ECT2: variants seen among roughly 807,000 people sequenced by gnomAD.
ECT2 encodes protein ECT2.
ECT2 carries 61 observed loss-of-function variants against 116.9 expected under a neutral mutation model. That is an observed-to-expected ratio of 0.52 (90% CI 0.42 to 0.65). The LOEUF (loss-of-function observed/expected upper bound fraction) is 0.65. Among genes scored for constraint, ECT2 ranks in the 30% least tolerant of loss-of-function variants. The pLI, the probability that ECT2 is intolerant of heterozygous loss-of-function variation, is 0.00. For synonymous variants in ECT2, 358 were observed against 346.4 expected (o/e 1.03, Z -0.37); for missense variants, 937 against 1,078.7 (o/e 0.87, Z 1.84).
At position 172,755,283 on chromosome 3, in the gene ECT2, A is replaced by T; in HGVS notation, c.131-12A>T. The T allele has an allele frequency of 1.3e-6, 2 of 1,587,424 alleles. No homozygotes were observed. The highest frequency in any genetic ancestry group is 8.5e-7 in the Non-Finnish European group (1 of 1,171,890). On this transcript the variant is annotated splice_polypyrimidine_tract_variant and intron_variant, in intron 2 of 24. Transcript: ENST00000392692. Reference sequence around the variant, plus strand: ...TACATGATAAACATTGAAACATTTTACATTTTAACAGAAGAGATGCCTCAG... The same window carrying T: ...TACATGATAAACATTGAAACATTTTTCATTTTAACAGAAGAGATGCCTCAG...
At chr3:172,807,740 T>C (rs945073990) in intron 21 of ECT2, 30 bp from the exon 22 acceptor site, 1 of 1,590,300 alleles carries the variant, frequency 6.3e-7, no homozygotes, top group African/African-American at 1.3e-5. Flanking sequence ...GGAGTGACAC[T>C]TAATGTTTAT....
At position 172,784,706 on chromosome 3, in the gene ECT2, G is replaced by C; in HGVS notation, c.1729-1G>C. 1.2e-6 allele frequency: 2 copies of C among 1,612,834 alleles called. No homozygotes were observed. Among genetic ancestry groups the C allele is most frequent in the Non-Finnish European group, 1.7e-6 (2 of 1,178,916 alleles). ...GAAATTGTTGAATAAATTGTTTTCAGATAAACCAAGCAAAACCAGAATGTG... is the reference window on the plus strand; with the variant it reads ...GAAATTGTTGAATAAATTGTTTTCACATAAACCAAGCAAAACCAGAATGTG... On this transcript the variant is annotated splice_acceptor_variant, in intron 16 of 24. Coordinates refer to ENST00000392692, the MANE Select transcript of ECT2 (RefSeq NM_001258315.2). LOFTEE classifies it high-confidence loss of function.
intron 24 of ECT2, 88 bp from the exon 25 acceptor site, chr3:172,820,060 T>G (rs35236458): frequency 0.55 from 475,159 of 859,734 alleles, 137,946 homozygotes; most frequent in East Asian, 0.68. Context: ...TTGTAAAATG[T>G]AAAAATAATA....
intron 8 of ECT2, 49 bp from the exon 9 acceptor site, chr3:172,762,367 A>C (rs532880972): frequency 1.3e-6 from 2 of 1,527,584 alleles, no homozygotes; most frequent in African/African-American, 1.4e-5. Context: ...TATACCTAAC[A>C]CTTGAATTTA....
At position 172,818,851 on chromosome 3, in the gene ECT2, GA is replaced by G. The variant is rs370074442; in HGVS notation, c.2656-1287del. On this transcript the variant is annotated intron_variant, in intron 24 of 24. Transcript: ENST00000392692. Reference sequence around the variant, plus strand: ...AGCTATTTAAAATTTGTATTTGCGGGAAAAAAAAAAGGAACATATTTTTTCT... The same window carrying G: ...AGCTATTTAAAATTTGTATTTGCGGGAAAAAAAAAGGAACATATTTTTTCT... The G allele has an allele frequency of 3.6e-3, 3,642 of 1,008,758 alleles. 1 individual carries two copies. The highest frequency in any genetic ancestry group is 0.014 in the South Asian group (653 of 45,560). The allele number at this position is 1,008,758 out of a possible 1,614,324, so 62.5% of individuals were successfully genotyped here.
Position 172,821,298 on chromosome 3 carries a change from G to A in ECT2, c.*1061G>A, listed in dbSNP as rs1380414288. 1 of 151,836 alleles carries A rather than the reference G, an allele frequency of 6.6e-6. No individual in the cohort carries two copies. The highest frequency in any genetic ancestry group is 2.4e-5 in the African/African-American group (1 of 41,416). The allele number at this position is 151,836 out of a possible 1,614,324, so 9.4% of individuals were successfully genotyped here. On this transcript the variant is annotated 3_prime_UTR_variant, in exon 25 of 25. Coordinates refer to ENST00000392692, the MANE Select transcript of ECT2 (RefSeq NM_001258315.2). Reference sequence around the variant, plus strand: ...TTTATTTCCTATTTCTTTAGGGAGTGCTACAAATGTTTGTCACTTAAATTT... The same window carrying A: ...TTTATTTCCTATTTCTTTAGGGAGTACTACAAATGTTTGTCACTTAAATTT...
intron 1 of ECT2, among the ~76,000 whole-genome samples, chr3:172,751,442 C>T (rs1019880503): frequency 6.6e-6 from 1 of 152,166 alleles, no homozygotes; most frequent in Non-Finnish European, 1.5e-5. Flanking sequence ...TGCTTAACCT[C>T]TCTGTTCCTA....
chr3:172,828,145 A>C, the ECT2 span, among the ~76,000 whole-genome samples: 16 of 152,208 alleles, frequency 1.1e-4, no homozygotes, highest in African/African-American at 3.9e-4. Context: ...AAACCATTGA[A>C]ATACTTAAGA....
At chr3:172,760,557 C>T (rs1576850172) in intron 7 of ECT2, among the ~76,000 whole-genome samples, 1 of 151,902 alleles carries the variant, frequency 6.6e-6, no homozygotes, top group African/African-American at 2.4e-5. Flanking sequence ...GTTGAGATTA[C>T]ATACGTGAGC....
chr3:172,760,397 TAAA>T (rs907545243), intron 7 of ECT2, 134 bp downstream of exon 7: 70 of 494,992 alleles, frequency 1.4e-4, no homozygotes, highest in Non-Finnish European at 2.0e-4. Flanking sequence ...ATATATTTAG[TAAA>T]AAATTTTAAA....
intron 23 of ECT2, among the ~76,000 whole-genome samples, 154 bp from the exon 24 acceptor site, chr3:172,816,537 A>G (rs992853350): frequency 1.3e-5 from 2 of 152,132 alleles, no homozygotes; most frequent in Non-Finnish European, 1.5e-5. Context: ...ATAGTCTACA[A>G]ATTTCCTCAC....
At chr3:172,821,848 G>A (rs555360150), downstream of ECT2, among the ~76,000 whole-genome samples, 4 of 151,930 alleles carry the variant, frequency 2.6e-5, no homozygotes, top group East Asian at 1.9e-4. Context: ...AGCTAGAAAT[G>A]TATTGACTAT....
At chr3:172,825,901 C>CT (rs1480173446), downstream of ECT2, among the ~76,000 whole-genome samples, 2 of 152,164 alleles carry the variant, frequency 1.3e-5, no homozygotes, top group African/African-American at 2.4e-5. Flanking sequence ...CTAAGACTTT[C>CT]TTTTTTTCTT....
intron 12 of ECT2, among the ~76,000 whole-genome samples, chr3:172,767,408 T>A (rs1719675513): frequency 6.6e-6 from 1 of 152,082 alleles, no homozygotes; most frequent in African/African-American, 2.4e-5. Flanking sequence ...ACCACTGCAC[T>A]CCAGCCTGGG....
At chr3:172,813,864 C>G (rs1729213646) in intron 22 of ECT2, among the ~76,000 whole-genome samples, 1 of 150,824 alleles carries the variant, frequency 6.6e-6, no homozygotes, top group African/African-American at 2.4e-5. Context: ...AATTGAAAAA[C>G]ATAAGATACA....
Position 172,802,781 on chromosome 3 carries a change from C to G in ECT2, c.1987-80C>G, listed in dbSNP as rs1353569526. On this transcript the variant is annotated intron_variant, in intron 19 of 24. Coordinates refer to ENST00000392692, the MANE Select transcript of ECT2 (RefSeq NM_001258315.2). ...TTTTAATATAAATAATATCTTGGCACTACTTTCTTTTAAATTACAACTTCT... is the reference window on the plus strand; with the variant it reads ...TTTTAATATAAATAATATCTTGGCAGTACTTTCTTTTAAATTACAACTTCT... The G allele has an allele frequency of 3.3e-6, 5 of 1,518,016 alleles. No individual in the cohort carries two copies. The African/African-American group carries it at 5.6e-5, about 17-fold the overall frequency. 94.0% of individuals were successfully genotyped at this position (1,518,016 alleles called of 1,614,324 possible).
chr3:172,757,902 T>A (rs917202872), intron 5 of ECT2, among the ~76,000 whole-genome samples: 3 of 152,168 alleles, frequency 2.0e-5, no homozygotes, highest in African/African-American at 7.2e-5. Context: ...TATTTATTTA[T>A]TTAATAAATA....
intron 13 of ECT2, among the ~76,000 whole-genome samples, chr3:172,770,809 G>T (rs1398748340): frequency 6.6e-6 from 1 of 151,926 alleles, no homozygotes; most frequent in Non-Finnish European, 1.5e-5. Flanking sequence ...AAAGTACTGT[G>T]CTAAGTGTTA....
Position 172,820,097 on chromosome 3 carries a change from A to G in ECT2, c.2656-51A>G, listed in dbSNP as rs1236891415. On this transcript the variant is annotated intron_variant, in intron 24 of 24. Transcript: ENST00000392692. Reference sequence around the variant, plus strand: ...GCATGATACTGAACTGTATTTTACAATTTTTTTAAAGGAAAATTTAAAATA... The same window carrying G: ...GCATGATACTGAACTGTATTTTACAGTTTTTTTAAAGGAAAATTTAAAATA... 13 of 1,449,372 alleles carry G rather than the reference A, an allele frequency of 9.0e-6. No individual in the cohort carries two copies. In the Admixed American group the frequency reaches 1.1e-4, roughly 12 times the overall value. The allele number at this position is 1,449,372 out of a possible 1,614,324, so 89.8% of individuals were successfully genotyped here.
Sources: gnomAD v4.1 joint callset for allele counts (sites outside exome capture counted in the v4.1 genomes callset) on GRCh38, gnomAD v4.1.1 for gene constraint, MANE v1.5 for transcripts, NCBI Gene and HGNC (gene_info 2026-07-23, HGNC 2026-07-21) for gene names.